The following CSMD1 variants were observed in gnomAD, a reference collection of about 807,000 sequenced individuals.
CSMD1 encodes the protein CUB and Sushi multiple domains 1.
Under a neutral mutation model 417.5 loss-of-function variants are expected in CSMD1, and 213 were observed. The observed-to-expected ratio is 0.51, with a 90% CI of 0.46 to 0.57. The LOEUF (loss-of-function observed/expected upper bound fraction) is 0.57. Ranked by LOEUF, CSMD1 falls within the 20% of genes least tolerant of loss-of-function variation. The pLI, the probability that CSMD1 is intolerant of heterozygous loss-of-function variation, is 0.00. For missense variants in CSMD1, 6,923 were observed against 4,529.7 expected, an observed-to-expected ratio of 1.53 and a Z score of -15.17; for synonymous variants, 2,862 against 1,736.8, an observed-to-expected ratio of 1.65 and a Z score of -16.11.
chr8:3,078,685 G>C (rs1314685581), intron 49 of CSMD1, among the ~76,000 whole-genome samples: 1 of 152,148 alleles, frequency 6.6e-6, no homozygotes, highest in Non-Finnish European at 1.5e-5. Flanking sequence ...GATCCCCAAA[G>C]ACTGAAGGTC....
At chr8:4,113,033 T>C (rs1345224584) in intron 3 of CSMD1, among the ~76,000 whole-genome samples, 2 of 152,176 alleles carry the variant, frequency 1.3e-5, no homozygotes, top group Non-Finnish European at 2.9e-5. Flanking sequence ...TCCTTGATGG[T>C]ACCATTTAAG....
At chr8:3,147,018 A>G (rs543487251) in intron 40 of CSMD1, among the ~76,000 whole-genome samples, 37 of 152,250 alleles carry the variant, frequency 2.4e-4, no homozygotes, top group African/African-American at 8.7e-4. Flanking sequence ...AGAAGGGGCA[A>G]TAACGTCTTA....
chr8:3,734,267 C>G (rs1421113059), intron 6 of CSMD1, among the ~76,000 whole-genome samples: 1 of 152,216 alleles, frequency 6.6e-6, no homozygotes, highest in Non-Finnish European at 1.5e-5. Context: ...CATGTTTCAT[C>G]TCCCAGTGTC....
intron 1 of CSMD1, among the ~76,000 whole-genome samples, chr8:4,849,884 G>T (rs189600597): frequency 4.9e-4 from 74 of 152,230 alleles, no homozygotes; most frequent in Non-Finnish European, 8.4e-4. Context: ...TTGCTCATGG[G>T]TATATTAGAA....
intron 1 of CSMD1, among the ~76,000 whole-genome samples, chr8:4,700,935 A>G (rs1235166611): frequency 6.6e-6 from 1 of 152,192 alleles, no homozygotes; most frequent in African/African-American, 2.4e-5. Flanking sequence ...AACACTGTGG[A>G]AGGTATCAAG....
In CSMD1 at chr8:3,505,363, G is replaced by A. The variant is rs1280316742; in HGVS notation, c.1345-11637C>T. On this transcript the variant is annotated intron_variant, in intron 10 of 69. Coordinates refer to ENST00000635120, the MANE Select transcript of CSMD1 (RefSeq NM_033225.6). ...GAAAAGAAGATGAGAGAAAATTATA[G>A]ATCACTACATGAAAGCAAAAGATAT... 2.0e-5 allele frequency among the ~76,000 whole-genome samples: 3 copies of A among 152,098 alleles called. No homozygotes were observed. In the South Asian group the frequency reaches 6.2e-4, roughly 32 times the overall value.
At chr8:4,339,670 G>C (rs746648457) in intron 3 of CSMD1, among the ~76,000 whole-genome samples, 27 of 152,092 alleles carry the variant, frequency 1.8e-4, no homozygotes, top group African/African-American at 4.3e-4. Context: ...TGTTATGTTT[G>C]GATGGCCAAA....
At position 3,142,499 on chromosome 8, in the gene CSMD1, C is replaced by T. The variant is rs190880525; in HGVS notation, c.6207G>A (p.Ser2069=). 1.9e-6 allele frequency: 3 copies of T among 1,613,852 alleles called. No homozygotes were observed. The highest frequency in any genetic ancestry group is 4.5e-5 in the East Asian group (2 of 44,876). The part of the protein sequence containing the change: ...ETLIHFYSDH[S]QNRQGFKLAY... Reference sequence around the variant, plus strand: ...CAAGTTTAAATCCTTGCCGGTTTTGCGAATGGTCACTATAAAAGTGGATGA... The same window carrying T: ...CAAGTTTAAATCCTTGCCGGTTTTGTGAATGGTCACTATAAAAGTGGATGA... Residue 2069 remains serine (S), a synonymous_variant, in exon 41 of 70, where the codon TCG becomes TCA. Coordinates refer to ENST00000635120, the MANE Select transcript of CSMD1 (RefSeq NM_033225.6).
chr8:3,725,209 A>G (rs1050873908), intron 6 of CSMD1, among the ~76,000 whole-genome samples: 1 of 152,138 alleles, frequency 6.6e-6, no homozygotes, highest in Admixed American at 6.5e-5. Context: ...AATGAAAGTG[A>G]AAAGAGATTA....
At chr8:4,000,122 C>A (rs536560590) in intron 4 of CSMD1, among the ~76,000 whole-genome samples, 1 of 152,186 alleles carries the variant, frequency 6.6e-6, no homozygotes, top group Non-Finnish European at 1.5e-5. Flanking sequence ...CCGTGGGCAC[C>A]ACTGTGCAAG....
At chr8:3,875,240 G>A (rs1267903824) in intron 5 of CSMD1, among the ~76,000 whole-genome samples, 1 of 152,150 alleles carries the variant, frequency 6.6e-6, no homozygotes, top group Non-Finnish European at 1.5e-5. Context: ...CTCATGATTT[G>A]AATTGAGACC....
chr8:4,431,744 T>A (rs10088898), intron 2 of CSMD1, among the ~76,000 whole-genome samples: 1 of 152,184 alleles, frequency 6.6e-6, no homozygotes, highest in Non-Finnish European at 1.5e-5. Context: ...GTTCTAACAA[T>A]TTTGAAACCA....
intron 3 of CSMD1, among the ~76,000 whole-genome samples, chr8:4,370,009 T>C (rs117398613): frequency 6.6e-6 from 1 of 152,216 alleles, no homozygotes; most frequent in East Asian, 1.9e-4. Flanking sequence ...CTGGTTCTTA[T>C]GTAGACTTAG....
At chr8:4,568,786 T>G (rs1403691156) in intron 2 of CSMD1, among the ~76,000 whole-genome samples, 1 of 152,176 alleles carries the variant, frequency 6.6e-6, no homozygotes, top group Non-Finnish European at 1.5e-5. Flanking sequence ...GCATCTGTTA[T>G]TTCCTGACTT....
intron 10 of CSMD1, among the ~76,000 whole-genome samples, chr8:3,506,168 C>G (rs1796818121): frequency 6.6e-6 from 1 of 152,090 alleles, no homozygotes; most frequent in Non-Finnish European, 1.5e-5. Flanking sequence ...GCAGCTGAAA[C>G]TCAAGGACTC....
At chr8:3,369,587 A>G (rs1809819641) in intron 18 of CSMD1, among the ~76,000 whole-genome samples, 1 of 152,222 alleles carries the variant, frequency 6.6e-6, no homozygotes, top group Non-Finnish European at 1.5e-5. Flanking sequence ...TTGACAACGT[A>G]ACACAGAATA....
intron 43 of CSMD1, 64 bp from the exon 44 acceptor site, chr8:3,108,812 C>T (rs1393010359): frequency 6.8e-7 from 1 of 1,481,454 alleles, no homozygotes; most frequent in African/African-American, 1.4e-5. Context: ...TTTATGGAAA[C>T]TTTGGCTAAT....
intron 26 of CSMD1, among the ~76,000 whole-genome samples, chr8:3,237,639 A>G (rs1245329440): frequency 1.4e-5 from 2 of 138,200 alleles, no homozygotes; most frequent in East Asian, 2.2e-4. Context: ...TTATACTTAT[A>G]CTATAATTTT....
intron 1 of CSMD1, among the ~76,000 whole-genome samples, chr8:4,975,069 A>C (rs1302292863): frequency 1.3e-5 from 2 of 152,154 alleles, no homozygotes; most frequent in East Asian, 3.9e-4. Context: ...GCTTCTCCCC[A>C]AAATCTGCAA....
Sources: gnomAD v4.1 joint callset for allele counts (sites outside exome capture counted in the v4.1 genomes callset) on GRCh38, gnomAD v4.1.1 for gene constraint, MANE v1.5 for transcripts, NCBI Gene and HGNC (gene_info 2026-07-23, HGNC 2026-07-21) for gene names.